ITPR1: variants seen among roughly 807,000 people sequenced by gnomAD.
ITPR1 encodes inositol 1,4,5-trisphosphate-gated calcium channel ITPR1.
ITPR1 carries 96 observed loss-of-function variants against 318.4 expected under a neutral mutation model. The ratio of observed to expected loss-of-function variants is 0.30; its 90% confidence interval spans 0.26 to 0.36. ITPR1 has a LOEUF of 0.36. ITPR1 is among the 10% of genes least tolerant of loss of function. ITPR1 has a pLI of 1.00. For synonymous variants in ITPR1, 1,312 were observed against 1,289.9 expected, an observed-to-expected ratio of 1.02 and a Z score of -0.37; for missense variants, 2,440 against 3,460.2, an observed-to-expected ratio of 0.71 and a Z score of 7.40.
intron 44 of ITPR1, among the ~76,000 whole-genome samples, chr3:4,760,062 C>T (rs781612123): frequency 3.3e-5 from 5 of 152,246 alleles, no homozygotes; most frequent in African/African-American, 4.8e-5. Context: ...CCTTTGACTC[C>T]GGCCTCACTG....
chr3:4,775,379 G>T lies in ITPR1; in HGVS notation c.6117G>T (p.Ala2039=), dbSNP rs139528715. The change falls in exon 47 of 62, where the codon GCG becomes GCT. Residue 2039 remains alanine (A), a synonymous_variant. Coordinates refer to ENST00000649015, the MANE Select transcript of ITPR1 (RefSeq NM_001378452.1). ...TGTATATAAATGAAAAGAATGTAGC[G>T]CTTATCAACCAAACCCTGGAAAGTC... ...LGLYINEKNV[A]LINQTLESLT... 6.2e-7 allele frequency: 1 copy of T among 1,613,552 alleles called. No homozygotes were observed. Among genetic ancestry groups the T allele is most frequent in the Non-Finnish European group, 8.5e-7 (1 of 1,179,590 alleles).
intron 4 of ITPR1, among the ~76,000 whole-genome samples, chr3:4,545,067 A>T (rs1191923316): frequency 6.6e-6 from 1 of 152,104 alleles, no homozygotes; most frequent in Non-Finnish European, 1.5e-5. Context: ...AAGTGCTGGG[A>T]TTACAGGTGT....
chr3:4,804,147 T>A (rs1212695284), intron 54 of ITPR1, among the ~76,000 whole-genome samples: 1 of 151,982 alleles, frequency 6.6e-6, no homozygotes, highest in Non-Finnish European at 1.5e-5. Context: ...GCTGGGATTA[T>A]AGGCGTGAGC....
At chr3:4,835,950 C>G (rs1045110152) in intron 60 of ITPR1, among the ~76,000 whole-genome samples, 2 of 152,090 alleles carry the variant, frequency 1.3e-5, no homozygotes, top group Admixed American at 1.3e-4. Context: ...TCAACCACTT[C>G]AGGCTGGAAG....
chr3:4,818,889 G>A (rs1356951497), intron 60 of ITPR1, among the ~76,000 whole-genome samples: 6 of 152,200 alleles, frequency 3.9e-5, no homozygotes, highest in South Asian at 2.1e-4. Flanking sequence ...TGGGTGTCCC[G>A]GGCCAGCTGT....
At chr3:4,712,348 T>C (rs555193824) in intron 39 of ITPR1, among the ~76,000 whole-genome samples, 278 of 152,294 alleles carry the variant, frequency 1.8e-3, no homozygotes, top group African/African-American at 6.3e-3. Context: ...CTGAGGGAGA[T>C]TGGGAAATGG....
At chr3:4,771,904 A>ACTAG (rs1343263799) in intron 46 of ITPR1, among the ~76,000 whole-genome samples, 1 of 152,108 alleles carries the variant, frequency 6.6e-6, no homozygotes, top group Non-Finnish European at 1.5e-5. Context: ...CGGAGTGGAA[A>ACTAG]CTAGAGTGCT....
intron 52 of ITPR1, 148 bp from the exon 53 acceptor site, chr3:4,794,917 C>A: frequency 3.5e-6 from 3 of 862,996 alleles, no homozygotes; most frequent in African/African-American, 3.4e-5. Flanking sequence ...GTACCAAGTT[C>A]CAAACAAATG....
At chr3:4,625,123 A>G (rs1328900382) in intron 4 of ITPR1, among the ~76,000 whole-genome samples, 1 of 152,210 alleles carries the variant, frequency 6.6e-6, no homozygotes, top group East Asian at 1.9e-4. Flanking sequence ...TCATGGTCCC[A>G]TATTTACCTT....
At chr3:4,656,405 A>C (rs186981586) in intron 12 of ITPR1, among the ~76,000 whole-genome samples, 7 of 152,224 alleles carry the variant, frequency 4.6e-5, no homozygotes, top group Admixed American at 2.0e-4. Context: ...ATGTTGCTCA[A>C]AGTTCTTACT....
chr3:4,768,889 T>C (rs13086334), intron 46 of ITPR1, 125 bp downstream of exon 46: 7 of 864,108 alleles, frequency 8.1e-6, no homozygotes, highest in Non-Finnish European at 1.2e-5. Context: ...AGCAAGGTTC[T>C]TTTTTTTCCT....
intron 4 of ITPR1, among the ~76,000 whole-genome samples, chr3:4,611,585 T>TAAATAAATAAA: frequency 6.6e-6 from 1 of 150,742 alleles, no homozygotes; most frequent in African/African-American, 2.4e-5. Context: ...AATAAATAAA[T>TAAATAAATAAA]AAATAAATAA....
At chr3:4,843,514 A>T (rs1352129719) in intron 61 of ITPR1, among the ~76,000 whole-genome samples, 1 of 152,164 alleles carries the variant, frequency 6.6e-6, no homozygotes, top group East Asian at 1.9e-4. Flanking sequence ...CATGGGACCT[A>T]CCCCAGACCT....
intron 4 of ITPR1, among the ~76,000 whole-genome samples, chr3:4,599,246 C>T (rs1477482024): frequency 2.0e-5 from 3 of 152,152 alleles, no homozygotes; most frequent in African/African-American, 7.2e-5. Flanking sequence ...GAGCTAGTAA[C>T]CACAGAGCCT....
intron 39 of ITPR1, among the ~76,000 whole-genome samples, chr3:4,713,946 C>T (rs1425895176): frequency 6.6e-6 from 1 of 152,160 alleles, no homozygotes; most frequent in East Asian, 1.9e-4. Flanking sequence ...TCCAAACCTG[C>T]AAGACTTGTC....
chr3:4,610,341 A>G (rs2091995778), intron 4 of ITPR1, among the ~76,000 whole-genome samples: 1 of 152,038 alleles, frequency 6.6e-6, no homozygotes, highest in African/African-American at 2.4e-5. Context: ...TCTGCAGCAC[A>G]CAAGCACTTA....
rs1371846751 is a variant in ITPR1 at position 4,818,017 on chromosome 3, T to C, written c.7868-65T>C. ...GCCCCCTTTCTACTGACAGTTCTGTTATTGATTTTTTTTCTTTACCAAGGC... is the reference window on the plus strand; with the variant it reads ...GCCCCCTTTCTACTGACAGTTCTGTCATTGATTTTTTTTCTTTACCAAGGC... On this transcript the variant is annotated intron_variant, in intron 59 of 61. Coordinates refer to ENST00000649015, the MANE Select transcript of ITPR1 (RefSeq NM_001378452.1). 10 of 1,387,076 alleles carry C rather than the reference T, an allele frequency of 7.2e-6. No homozygotes were observed. The East Asian group carries it at 2.5e-4, about 34-fold the overall frequency. 85.9% of individuals were successfully genotyped at this position (1,387,076 alleles called of 1,614,324 possible).
At chr3:4,725,384 A>G (rs2042437155) in intron 40 of ITPR1, among the ~76,000 whole-genome samples, 162 bp from the exon 41 acceptor site, 1 of 151,692 alleles carries the variant, frequency 6.6e-6, no homozygotes, top group South Asian at 2.1e-4. Context: ...GTATCTGGTC[A>G]CCTTGATTGC....
intron 57 of ITPR1, 32 bp downstream of exon 57, chr3:4,813,266 A>C (rs1375053264): frequency 2.0e-6 from 3 of 1,469,676 alleles, no homozygotes; most frequent in African/African-American, 2.8e-5. Flanking sequence ...CCCCATGTTA[A>C]TATCGGACTC....
Sources: allele counts gnomAD v4.1 joint callset (sites outside exome capture counted in the v4.1 genomes callset), GRCh38; gene constraint gnomAD v4.1.1; transcripts MANE v1.5; gene names NCBI Gene and HGNC (gene_info 2026-07-23, HGNC 2026-07-21).